GPRC5B: variants seen among roughly 807,000 people sequenced by gnomAD.
GPRC5B encodes the protein G protein-coupled receptor class C group 5 member B.
In GPRC5B, 16 loss-of-function variants were observed where a neutral mutation model predicts 30.1. The observed-to-expected ratio is 0.53, with a 90% CI of 0.36 to 0.81. The LOEUF is 0.81. Among genes scored for constraint, GPRC5B ranks in the 30% least tolerant of loss-of-function variants. The pLI is 0.01. For missense variants in GPRC5B, 428 were observed against 544.7 expected (o/e 0.79, Z 2.13); for synonymous variants, 241 against 239.5 (o/e 1.01, Z -0.06).
rs1355276627 is a variant in GPRC5B, at chr16:19,857,600, T to C, written c.*2900A>G. 6 of 335,702 alleles carry C rather than the reference T, an allele frequency of 1.8e-5. No individual in the cohort carries two copies. The highest frequency in any genetic ancestry group is 1.3e-4 in the African/African-American group (6 of 44,556). The allele number at this position is 335,702 out of a possible 1,614,324, so 20.8% of individuals were successfully genotyped here. A position where few individuals can be genotyped will look rare whatever the true frequency, so the allele number is the denominator to read the frequency against. ...CCTGCTGAGAACTCCTGTAAGCTGG[T>C]ATCATCATTGCATCATTGGATTATA... is the stretch of plus-strand genomic sequence containing the variant. On this transcript the variant is annotated 3_prime_UTR_variant, in exon 4 of 4. Coordinates refer to ENST00000300571, the MANE Select transcript of GPRC5B (RefSeq NM_016235.3).
Position 19,872,303 on chromosome 16 carries a change from C to T in GPRC5B, c.543G>A (p.Leu181=), listed in dbSNP as rs766158125. ...TTGTGTCACGCAGCACGGTGAGCAC[C>T]AGCCACTCCACAGCGATGATGACTT... ...LVQVIIAVEW[L]VLTVLRDTRP... Residue 181 remains leucine, a synonymous_variant, in exon 2 of 4, where the codon CTG becomes CTA. Coordinates refer to ENST00000300571, the MANE Select transcript of GPRC5B (RefSeq NM_016235.3). The surrounding 1 kb of genome is among the most constrained non-coding windows in gnomAD (Gnocchi z 5.0). The T allele has an allele frequency of 1.2e-6, 2 of 1,614,122 alleles. No individual in the cohort carries two copies. The highest frequency in any genetic ancestry group is 1.7e-6 in the Non-Finnish European group (2 of 1,180,034).
intron 2 of GPRC5B, among the ~76,000 whole-genome samples, chr16:19,868,383 AAAAG>A (rs2056683801): frequency 6.6e-6 from 1 of 152,176 alleles, no homozygotes; most frequent in Non-Finnish European, 1.5e-5. Flanking sequence ...CAAGAAAAAA[AAAAG>A]AAAGAAAAAA....
upstream of GPRC5B, chr16:19,884,962 A>C (rs1597639361): frequency 1.3e-6 from 1 of 770,492 alleles, no homozygotes; most frequent in Non-Finnish European, 1.6e-6. Context: ...CGGGCCTCCG[A>C]GCCCCACCCC....
intron 1 of GPRC5B, among the ~76,000 whole-genome samples, chr16:19,881,703 A>C (rs1050572751): frequency 2.0e-5 from 3 of 152,150 alleles, no homozygotes; most frequent in African/African-American, 7.2e-5. Flanking sequence ...GATCTCTTGA[A>C]ACCGGGAGGC....
In GPRC5B at chr16:19,861,858, G is replaced by A. The variant is rs148962392; in HGVS notation, c.1146C>T (p.Ala382=). The change falls in exon 3 of 4, where the codon GCC becomes GCT. Residue 382 remains alanine (A), a synonymous_variant. Transcript: ENST00000300571. ...RSNVYQPTEM[A]VVLNGGTIPT... is the part of the protein sequence containing the mutation. ...TTACGGTCCCACCGTTGAGCACGAC[G>A]GCCATCTCAGTTGGCTGATACACGT... 1.2e-5 allele frequency: 20 copies of A among 1,613,042 alleles called. No individual in the cohort carries two copies. Among genetic ancestry groups the A allele is most frequent in the Middle Eastern group, 1.7e-4 (1 of 5,862 alleles).
At position 19,859,398 on chromosome 16, in the gene GPRC5B, CA is replaced by C. The variant is rs1249184076; in HGVS notation, c.*1101del. The C allele has an allele frequency of 6.6e-6, 1 of 152,316 alleles. No homozygotes were observed. The highest frequency in any genetic ancestry group is 1.5e-5 in the Non-Finnish European group (1 of 68,052). 9.4% of individuals were successfully genotyped at this position (152,316 alleles called of 1,614,324 possible). A position where few individuals can be genotyped will look rare whatever the true frequency, so the allele number is the denominator to read the frequency against. On this transcript the variant is annotated 3_prime_UTR_variant, in exon 4 of 4. Transcript: ENST00000300571. ...AAAACAAAATATCCCCCACACCCTC[CA>C]AAAGCAACAAGAAACCCTCATGTGA... is the stretch of plus-strand genomic sequence containing the variant.
Position 19,857,710 on chromosome 16 carries a change from C to T in GPRC5B, c.*2790G>A, listed in dbSNP as rs2056579120. 2 of 180,058 alleles carry T rather than the reference C, an allele frequency of 1.1e-5. No individual in the cohort carries two copies. Among genetic ancestry groups the T allele is most frequent in the Admixed American group, 1.3e-4 (2 of 15,596 alleles). The allele number at this position is 180,058 out of a possible 1,614,324, so 11.2% of individuals were successfully genotyped here. ...GCCAACCGAGACCACCACCCGAGTT[C>T]ACCCTTGTTCAGTGGGTCCTGACGG... On this transcript the variant is annotated 3_prime_UTR_variant, in exon 4 of 4. Coordinates refer to ENST00000300571, the MANE Select transcript of GPRC5B (RefSeq NM_016235.3).
At chr16:19,865,910 T>C (rs2141140634) in intron 2 of GPRC5B, among the ~76,000 whole-genome samples, 1 of 151,840 alleles carries the variant, frequency 6.6e-6, no homozygotes, top group South Asian at 2.1e-4. Context: ...TAATCACAGT[T>C]GAGCAAGCAC....
At position 19,857,535 on chromosome 16, in the gene GPRC5B, C is replaced by A; in HGVS notation, c.*2965G>T. ...CATTTAATAAATATATATTATCTATCAAAAGTGAGCCTTAGCTCTTCATCA... is the reference window on the plus strand; with the variant it reads ...CATTTAATAAATATATATTATCTATAAAAAGTGAGCCTTAGCTCTTCATCA... On this transcript the variant is annotated 3_prime_UTR_variant, in exon 4 of 4. Transcript: ENST00000300571. 2.5e-6 allele frequency: 1 copy of A among 397,710 alleles called. No homozygotes were observed. The allele number at this position is 397,710 out of a possible 1,614,324, so 24.6% of individuals were successfully genotyped here.
At chr16:19,869,388 T>C (rs1015522001) in intron 2 of GPRC5B, among the ~76,000 whole-genome samples, 1 of 151,352 alleles carries the variant, frequency 6.6e-6, no homozygotes, top group Non-Finnish European at 1.5e-5. Context: ...ACATAGTTAG[T>C]GCTCAACAAA....
chr16:19,868,853 C>T (rs899111246), intron 2 of GPRC5B, among the ~76,000 whole-genome samples: 3 of 152,200 alleles, frequency 2.0e-5, no homozygotes, highest in Non-Finnish European at 4.4e-5. Flanking sequence ...AGCTGCTGAG[C>T]ATGGCCCATG....
Position 19,872,249 on chromosome 16 carries a change from G to A in GPRC5B, c.597C>T (p.Asp199=). The A allele has an allele frequency of 3.1e-6, 5 of 1,614,190 alleles. No homozygotes were observed. The highest frequency in any genetic ancestry group is 1.1e-5 in the South Asian group (1 of 91,084). The change falls in exon 2 of 4, where the codon GAC becomes GAT. Residue 199 remains aspartate, a synonymous_variant. Coordinates refer to ENST00000300571, the MANE Select transcript of GPRC5B (RefSeq NM_016235.3). The surrounding 1 kb of genome is among the most constrained non-coding windows in gnomAD (Gnocchi z 5.0). ...TRPACAYEPM[D]FVMALIYDMV... The stretch of plus-strand genomic sequence containing the variant: ...TGTCGTAGATGAGGGCCATCACAAA[G>A]TCCATGGGCTCGTAGGCGCAGGCTG...
chr16:19,884,942 G>GC (rs2056839534), upstream of GPRC5B: 8 of 911,600 alleles, frequency 8.8e-6, no homozygotes, highest in Non-Finnish European at 1.0e-5. Flanking sequence ...CCCCCGGCCG[G>GC]CCCCGCCCCC....
chr16:19,861,934 T>C lies in GPRC5B; in HGVS notation c.1070A>G (p.Lys357Arg). 6.2e-7 allele frequency: 1 copy of C among 1,613,894 alleles called. No individual in the cohort carries two copies. Among genetic ancestry groups the C allele is most frequent in the Non-Finnish European group, 8.5e-7 (1 of 1,179,866 alleles). Residue 357 changes from lysine to arginine, a missense_variant, in exon 3 of 4, where the codon AAA becomes AGA. Lys to Arg is a conservative substitution (Grantham distance 26). This residue lies in a region of GPRC5B where 213 missense variants were observed against 229.1 expected (regional missense o/e 0.93). Coordinates refer to ENST00000300571, the MANE Select transcript of GPRC5B (RefSeq NM_016235.3). ...TAGFPNGSLGKRPSGSLGKRP... is the reference protein window; with the variant it reads ...TAGFPNGSLGRRPSGSLGKRP... ...TTTCCCCAAGCTGCCACTGGGTCTT[T>C]TTCCCAAGCTGCCGTTGGGAAATCC...
chr16:19,867,322 A>C (rs1424736624), intron 2 of GPRC5B, among the ~76,000 whole-genome samples: 2 of 152,098 alleles, frequency 1.3e-5, no homozygotes, highest in African/African-American at 4.8e-5. Flanking sequence ...CTGGGTTCAA[A>C]TTCCGGCTCT....
rs2056732052 is a variant in GPRC5B at position 19,872,676 on chromosome 16, A to G, written c.170T>C (p.Ile57Thr). ...SLCDLDAIWG[I>T]VVEAVAGAGA... ...CGCCCCGGCCACCGCCTCCACCACA[A>G]TGCCCCAGATGGCGTCCAGGTCGCA... The change falls in exon 2 of 4, where the codon ATT becomes ACT. Residue 57 changes from isoleucine (I) to threonine (T), a missense_variant. By Grantham distance (89) the Ile-to-Thr change is moderately conservative (BLOSUM62 -1). This residue lies in a region of GPRC5B where 196 missense variants were observed against 272.6 expected (regional missense o/e 0.72). Coordinates refer to ENST00000300571, the MANE Select transcript of GPRC5B (RefSeq NM_016235.3). This position sits in a 1 kb window ranked among gnomAD's most constrained non-coding sequence, Gnocchi z 5.0. 6.2e-7 allele frequency: 1 copy of G among 1,613,840 alleles called. No individual in the cohort carries two copies. The highest frequency in any genetic ancestry group is 1.3e-5 in the African/African-American group (1 of 74,908).
At chr16:19,863,544 C>CTGGA (rs551772577) in intron 2 of GPRC5B, among the ~76,000 whole-genome samples, 4 of 138,308 alleles carry the variant, frequency 2.9e-5, no homozygotes, top group Non-Finnish European at 4.5e-5. Flanking sequence ...GTCGCCCAGG[C>CTGGA]TGGAGTGCAG....
rs2056570504 is a variant in GPRC5B at position 19,856,943 on chromosome 16, C to G, written c.*3557G>C. The G allele has an allele frequency of 5.7e-6, 1 of 174,060 alleles. No individual in the cohort carries two copies. Among genetic ancestry groups the G allele is most frequent in the Admixed American group, 6.1e-5 (1 of 16,274 alleles). 10.8% of individuals were successfully genotyped at this position (174,060 alleles called of 1,614,324 possible). On this transcript the variant is annotated 3_prime_UTR_variant, in exon 4 of 4. Transcript: ENST00000300571. ...CCATATTCTAATTTAAGTCCCCAAC[C>G]TCTGAATTTGGTTTTAAGTTTACCT...
intron 2 of GPRC5B, among the ~76,000 whole-genome samples, chr16:19,862,509 G>A (rs2056634615): frequency 6.6e-6 from 1 of 152,188 alleles, no homozygotes; most frequent in South Asian, 2.1e-4. Flanking sequence ...CCCTCTGAAA[G>A]ATGGGTAAAA....
Sources: gnomAD v4.1 joint callset for allele counts (sites outside exome capture counted in the v4.1 genomes callset) on GRCh38, gnomAD v4.1.1 for gene constraint, gnomAD v4.1.1 regional missense constraint, Gnocchi (gnomAD v3.1) non-coding constraint, MANE v1.5 for transcripts, NCBI Gene and HGNC (gene_info 2026-07-23, HGNC 2026-07-21) for gene names.